Variants in SH3BGRL2 observed in about 807,000 individuals in gnomAD.
The protein encoded by SH3BGRL2 is SH3 domain-binding glutamic acid-rich-like protein 2.
A neutral mutation model predicts 14.8 loss-of-function variants in SH3BGRL2; 21 were observed. That is an observed-to-expected ratio of 1.42 (90% CI 1.01 to 2.05). SH3BGRL2 has a LOEUF of 2.05. SH3BGRL2 is among the 30% of genes most tolerant of loss of function. The pLI is 0.00. For synonymous variants in SH3BGRL2, 50 were observed against 47.8 expected (o/e 1.05, Z -0.19); for missense variants, 147 against 130.8 (o/e 1.12, Z -0.61).
the SH3BGRL2 span, among the ~76,000 whole-genome samples, chr6:79,551,048 A>G: frequency 6.6e-6 from 1 of 152,202 alleles, no homozygotes; most frequent in Non-Finnish European, 1.5e-5. Context: ...GGGGAAAGCT[A>G]AATAAAAGAA....
chr6:79,579,238 C>T, the SH3BGRL2 span, among the ~76,000 whole-genome samples: 890 of 152,240 alleles, frequency 5.8e-3, 12 homozygotes, highest in African/African-American at 0.02. Flanking sequence ...GGATATTATC[C>T]AGGAGAACTT....
At chr6:79,668,601 G>C (rs891325897) in intron 1 of SH3BGRL2, among the ~76,000 whole-genome samples, 4 of 151,982 alleles carry the variant, frequency 2.6e-5, no homozygotes, top group Admixed American at 1.3e-4. Flanking sequence ...TGAAGTTAGT[G>C]GGGGGGAGTG....
the SH3BGRL2 span, among the ~76,000 whole-genome samples, chr6:79,553,566 A>G: frequency 2.0e-5 from 3 of 152,226 alleles, no homozygotes; most frequent in Non-Finnish European, 4.4e-5. Flanking sequence ...TTGCAGCCCT[A>G]ATGAACAGAC....
chr6:79,540,399 C>CA, the SH3BGRL2 span, among the ~76,000 whole-genome samples: 5 of 152,010 alleles, frequency 3.3e-5, no homozygotes, highest in Middle Eastern at 3.2e-3. Context: ...CGCGCCACTG[C>CA]ACTCCAGCCT....
At chr6:79,582,768 A>G in the SH3BGRL2 span, among the ~76,000 whole-genome samples, 1 of 152,230 alleles carries the variant, frequency 6.6e-6, no homozygotes. Flanking sequence ...TGGCAACAAA[A>G]GCCAAAATAG....
chr6:79,558,409 A>G, the SH3BGRL2 span, among the ~76,000 whole-genome samples: 1 of 152,196 alleles, frequency 6.6e-6, no homozygotes, highest in Admixed American at 6.5e-5. Flanking sequence ...TAAATATATC[A>G]TATAAATATA....
chr6:79,585,977 C>T, the SH3BGRL2 span, among the ~76,000 whole-genome samples: 1 of 152,140 alleles, frequency 6.6e-6, no homozygotes, highest in African/African-American at 2.4e-5. Context: ...AGGCGGATCA[C>T]CTGAGCTCAG....
At chr6:79,581,297 G>GCAT in the SH3BGRL2 span, among the ~76,000 whole-genome samples, 1 of 152,118 alleles carries the variant, frequency 6.6e-6, no homozygotes, top group African/African-American at 2.4e-5. Context: ...TATGAGGCCA[G>GCAT]CATCATCCTG....
At chr6:79,638,920 T>G (rs1190380531) in intron 1 of SH3BGRL2, among the ~76,000 whole-genome samples, 1 of 152,194 alleles carries the variant, frequency 6.6e-6, no homozygotes, top group Non-Finnish European at 1.5e-5. Context: ...TTGAGGAAAC[T>G]AAATTTTGAC....
intron 2 of SH3BGRL2, among the ~76,000 whole-genome samples, chr6:79,695,210 C>G (rs191275151): frequency 2.0e-5 from 3 of 152,276 alleles, no homozygotes; most frequent in East Asian, 1.9e-4. Context: ...CCAAATCGCT[C>G]TTTTCAGACA....
At chr6:79,590,716 A>G in the SH3BGRL2 span, among the ~76,000 whole-genome samples, 103,234 of 151,602 alleles carry the variant, frequency 0.68, 35,617 homozygotes, top group East Asian at 0.97. Flanking sequence ...AAAACTACCT[A>G]TTGGGTACTA....
At chr6:79,696,734 AG>A (rs1770340008) in intron 3 of SH3BGRL2, among the ~76,000 whole-genome samples, 169 bp downstream of exon 3, 2 of 152,122 alleles carry the variant, frequency 1.3e-5, no homozygotes, top group South Asian at 4.1e-4. Context: ...CATACAACAG[AG>A]GCTAGTTTTT....
intron 1 of SH3BGRL2, among the ~76,000 whole-genome samples, chr6:79,656,690 G>A (rs970334534): frequency 3.9e-5 from 6 of 152,130 alleles, no homozygotes; most frequent in African/African-American, 1.4e-4. Flanking sequence ...CATTGTATAA[G>A]GTATTATAAA....
At chr6:79,681,812 A>G (rs184291586) in intron 2 of SH3BGRL2, among the ~76,000 whole-genome samples, 6 of 152,216 alleles carry the variant, frequency 3.9e-5, no homozygotes, top group Non-Finnish European at 5.9e-5. Flanking sequence ...CGATCCATAT[A>G]TAAGATTTCA....
chr6:79,542,760 G>A, the SH3BGRL2 span, among the ~76,000 whole-genome samples: 1 of 152,178 alleles, frequency 6.6e-6, no homozygotes, highest in Admixed American at 6.5e-5. Context: ...CTAGTCTAAT[G>A]TGTCTTTTCC....
At chr6:79,643,466 A>C (rs564060826) in intron 1 of SH3BGRL2, among the ~76,000 whole-genome samples, 3 of 152,334 alleles carry the variant, frequency 2.0e-5, no homozygotes, top group African/African-American at 7.2e-5. Context: ...TGATAATTGT[A>C]GGCATGATGT....
chr6:79,570,674 T>G, the SH3BGRL2 span, among the ~76,000 whole-genome samples: 7 of 152,328 alleles, frequency 4.6e-5, no homozygotes, highest in South Asian at 1.5e-3. Flanking sequence ...AAAAGTAACC[T>G]GGCTGCATTC....
chr6:79,560,988 C>T, the SH3BGRL2 span: 1 of 144,272 alleles, frequency 6.9e-6, no homozygotes, highest in African/African-American at 2.6e-5. Flanking sequence ...TCAAGGGATT[C>T]TCCTGCCTCA....
At chr6:79,597,242 GAAA>G in the SH3BGRL2 span, among the ~76,000 whole-genome samples, 1 of 130,494 alleles carries the variant, frequency 7.7e-6, no homozygotes, top group Non-Finnish European at 1.7e-5. Flanking sequence ...AAAAAAAGAA[GAAA>G]GAAGAAGAAG....
Sources: allele counts gnomAD v4.1 joint callset (sites outside exome capture counted in the v4.1 genomes callset), GRCh38; gene constraint gnomAD v4.1.1; transcripts MANE v1.5; gene names NCBI Gene and HGNC (gene_info 2026-07-23, HGNC 2026-07-21).